The following TRAPPC9 variants were observed in gnomAD, a reference collection of about 807,000 sequenced individuals.
TRAPPC9 encodes trafficking protein particle complex subunit 9, also known as IKK2 binding protein.
Under a neutral mutation model 124.0 loss-of-function variants are expected in TRAPPC9, and 83 were observed. That is an observed-to-expected ratio of 0.67 (90% CI 0.56 to 0.80). The LOEUF is 0.80. TRAPPC9 is among the 30% of genes least tolerant of loss of function. TRAPPC9 has a pLI of 0.00. For synonymous variants in TRAPPC9, 638 were observed against 617.5 expected, an observed-to-expected ratio of 1.03 and a Z score of -0.49; for missense variants, 1,302 against 1,508.3, an observed-to-expected ratio of 0.86 and a Z score of 2.27.
intron 9 of TRAPPC9, among the ~76,000 whole-genome samples, chr8:140,330,729 C>T (rs371904279): frequency 4.6e-5 from 7 of 152,214 alleles, no homozygotes; most frequent in African/African-American, 1.7e-4. Context: ...AGAAGAAAGA[C>T]CTGTACTACC....
chr8:139,898,828 A>G (rs1162799766), intron 20 of TRAPPC9, among the ~76,000 whole-genome samples: 1 of 152,162 alleles, frequency 6.6e-6, no homozygotes, highest in Non-Finnish European at 1.5e-5. Context: ...ACATTGAAAA[A>G]ACAGAAACAG....
intron 19 of TRAPPC9, among the ~76,000 whole-genome samples, chr8:139,934,290 G>A (rs1001257040): frequency 3.3e-5 from 5 of 152,174 alleles, no homozygotes; most frequent in African/African-American, 1.2e-4. Context: ...CAGAGAGAGA[G>A]AGAGAGAGAG....
chr8:139,748,805 G>A (rs555239411), intron 21 of TRAPPC9, among the ~76,000 whole-genome samples: 9 of 152,082 alleles, frequency 5.9e-5, no homozygotes, highest in Admixed American at 6.5e-5. Context: ...GGGGCAGGGG[G>A]CCGCCTCCAC....
At chr8:139,759,028 G>A (rs763730616) in intron 21 of TRAPPC9, among the ~76,000 whole-genome samples, 5 of 152,216 alleles carry the variant, frequency 3.3e-5, no homozygotes, top group Non-Finnish European at 5.9e-5. Flanking sequence ...TTTCTGGTCC[G>A]CCTCAGCATG....
chr8:140,001,322 G>A (rs1315781713), intron 18 of TRAPPC9, among the ~76,000 whole-genome samples: 2 of 151,768 alleles, frequency 1.3e-5, no homozygotes, highest in African/African-American at 2.4e-5. Context: ...AAACCAACAT[G>A]GCACATATAT....
At chr8:140,337,355 G>A (rs1229244487) in intron 9 of TRAPPC9, among the ~76,000 whole-genome samples, 2 of 152,134 alleles carry the variant, frequency 1.3e-5, no homozygotes, top group Non-Finnish European at 1.5e-5. Flanking sequence ...GGCAAAGGCT[G>A]GTCACTGTTC....
intron 19 of TRAPPC9, among the ~76,000 whole-genome samples, chr8:139,943,062 A>G (rs1834009487): frequency 1.3e-5 from 2 of 152,186 alleles, no homozygotes; most frequent in Admixed American, 6.5e-5. Flanking sequence ...AAGAGGTAGA[A>G]TTTTGTTTTT....
intron 21 of TRAPPC9, among the ~76,000 whole-genome samples, chr8:139,746,809 G>A (rs1285446716): frequency 5.9e-5 from 9 of 152,188 alleles, no homozygotes; most frequent in African/African-American, 1.9e-4. Context: ...CTGTGCCCAC[G>A]GCCACATTGG....
chr8:140,121,561 C>T (rs959461533), intron 17 of TRAPPC9, among the ~76,000 whole-genome samples: 10 of 152,224 alleles, frequency 6.6e-5, no homozygotes, highest in African/African-American at 1.9e-4. Context: ...GCAGCAGCAA[C>T]AGAAGCCCCA....
At position 139,984,887 on chromosome 8, in the gene TRAPPC9, C is replaced by T. The variant is rs934616859; in HGVS notation, c.2810+3839G>A. ...TGACCTCTAGTTCACCCAACGCTCCCACCCGGCCCGGGACAGCAAGATGCC... is the reference window on the plus strand; with the variant it reads ...TGACCTCTAGTTCACCCAACGCTCCTACCCGGCCCGGGACAGCAAGATGCC... On this transcript the variant is annotated intron_variant, in intron 19 of 22. Transcript: ENST00000438773. This position sits in a 1 kb window ranked among gnomAD's most constrained non-coding sequence, Gnocchi z 4.3. Among the ~76,000 whole-genome samples, 28 of 152,174 alleles carry T rather than the reference C, an allele frequency of 1.8e-4. No homozygotes were observed. Among genetic ancestry groups the T allele is most frequent in the African/African-American group, 6.5e-4 (27 of 41,446 alleles).
In TRAPPC9 at chr8:139,788,385, T is replaced by C. The variant is rs918930819; in HGVS notation, c.3056-56183A>G. On this transcript the variant is annotated intron_variant, in intron 21 of 22. Coordinates refer to ENST00000438773, the MANE Select transcript of TRAPPC9 (RefSeq NM_001160372.4). The surrounding 1 kb of genome is among the most constrained non-coding windows in gnomAD (Gnocchi z 4.9). The stretch of plus-strand genomic sequence containing the variant: ...ACAGGTTTCTAAAAATAGCCTGGCC[T>C]GTCAAAACTGTTAACTATCAGGCAG... Among the ~76,000 whole-genome samples, 1 of 152,244 alleles carries C rather than the reference T, an allele frequency of 6.6e-6. No individual in the cohort carries two copies.
At chr8:139,902,541 C>A (rs1253259209) in intron 20 of TRAPPC9, among the ~76,000 whole-genome samples, 2 of 152,204 alleles carry the variant, frequency 1.3e-5, no homozygotes, top group South Asian at 2.1e-4. Flanking sequence ...TTAAGATGAT[C>A]AAGGAATCAG....
intron 21 of TRAPPC9, among the ~76,000 whole-genome samples, chr8:139,793,680 T>TTC (rs1822855746): frequency 6.6e-6 from 1 of 151,872 alleles, no homozygotes; most frequent in African/African-American, 2.4e-5. Context: ...TCGCTAGGGG[T>TTC]GGCCTGGGTT....
At chr8:139,929,882 C>T (rs1833032544) in intron 19 of TRAPPC9, among the ~76,000 whole-genome samples, 1 of 152,220 alleles carries the variant, frequency 6.6e-6, no homozygotes, top group South Asian at 2.1e-4. Flanking sequence ...TCCTCATCTC[C>T]AGCCCAGCCC....
At chr8:140,155,022 T>C (rs974194346) in intron 17 of TRAPPC9, among the ~76,000 whole-genome samples, 1 of 152,064 alleles carries the variant, frequency 6.6e-6, no homozygotes, top group African/African-American at 2.4e-5. Context: ...GGACTGTGAG[T>C]TTCACCCGGA....
chr8:140,292,550 C>G (rs932297005), intron 11 of TRAPPC9, among the ~76,000 whole-genome samples: 1 of 152,216 alleles, frequency 6.6e-6, no homozygotes, highest in African/African-American at 2.4e-5. Flanking sequence ...GCAACCTGCA[C>G]AGAGATGAGG....
Position 140,043,010 on chromosome 8 carries a change from C to T in TRAPPC9, c.2557-18931G>A, listed in dbSNP as rs528621945. On this transcript the variant is annotated intron_variant, in intron 17 of 22. Coordinates refer to ENST00000438773, the MANE Select transcript of TRAPPC9 (RefSeq NM_001160372.4). ...TTCCCTACCAAACTGTTTTTCAGCT[C>T]GACTGGCAGAACAAGAGTCAGGGCC... 1.1e-4 allele frequency among the ~76,000 whole-genome samples: 16 copies of T among 152,248 alleles called. No individual in the cohort carries two copies. The East Asian group carries it at 2.5e-3, about 24-fold the overall frequency.
chr8:139,832,128 C>T lies in TRAPPC9; in HGVS notation c.3055+53751G>A, dbSNP rs148725004. ...TGAGGGCAGGGGCCACCTCTGAGGG[C>T]CTCGTTCGAGCTCACAAGCTTCCCT... On this transcript the variant is annotated intron_variant, in intron 21 of 22. Coordinates refer to ENST00000438773, the MANE Select transcript of TRAPPC9 (RefSeq NM_001160372.4). Among the ~76,000 whole-genome samples the T allele has an allele frequency of 1.9e-3, 285 of 152,336 alleles. 9 individuals are homozygous for T. In the East Asian group the frequency reaches 0.048, roughly 26 times the overall value.
At chr8:139,844,948 C>T (rs1373824282) in intron 21 of TRAPPC9, among the ~76,000 whole-genome samples, 2 of 152,172 alleles carry the variant, frequency 1.3e-5, no homozygotes, top group African/African-American at 2.4e-5. Context: ...AGGCCTGGCA[C>T]ATCCCGTGTC....
Sources: allele counts gnomAD v4.1 joint callset (sites outside exome capture counted in the v4.1 genomes callset), GRCh38; gene constraint gnomAD v4.1.1; non-coding constraint Gnocchi (gnomAD v3.1); transcripts MANE v1.5; gene names NCBI Gene and HGNC (gene_info 2026-07-23, HGNC 2026-07-21).